PLXNA4: variants seen among roughly 807,000 people sequenced by gnomAD.
The protein encoded by PLXNA4 is plexin-A4.
PLXNA4 carries 44 observed loss-of-function variants against 191.8 expected under a neutral mutation model. The observed-to-expected ratio is 0.23, with a 90% confidence interval of 0.18 to 0.29. The LOEUF is 0.29. Ranked by LOEUF, PLXNA4 falls within the 10% of genes least tolerant of loss-of-function variation. The probability of loss-of-function intolerance (pLI) is 1.00; values close to 1 mark genes in which losing one functional copy is unlikely to be tolerated. For synonymous variants in PLXNA4, 1,082 were observed against 1,009.5 expected (o/e 1.07, Z -1.36); for missense variants, 1,800 against 2,488.8 (o/e 0.72, Z 5.89).
chr7:132,405,058 A>ATGTGTG (rs1056382602), intron 3 of PLXNA4, among the ~76,000 whole-genome samples: 4 of 66,812 alleles, frequency 6.0e-5, no homozygotes, highest in Admixed American at 2.0e-4. Flanking sequence ...AGCTGAGGGT[A>ATGTGTG]TGTGTGTGTG....
At chr7:132,267,928 A>G (rs1247463221) in intron 4 of PLXNA4, among the ~76,000 whole-genome samples, 1 of 152,184 alleles carries the variant, frequency 6.6e-6, no homozygotes, top group Non-Finnish European at 1.5e-5. Context: ...TAATGCACGC[A>G]CTGCCACCCA....
chr7:132,621,395 G>A (rs774878956), intron 2 of PLXNA4, among the ~76,000 whole-genome samples: 3 of 151,944 alleles, frequency 2.0e-5, no homozygotes, highest in Non-Finnish European at 2.9e-5. Flanking sequence ...CAAGTAGCTA[G>A]GACTACAGGC....
chr7:132,318,347 G>A (rs1331083433), intron 3 of PLXNA4, among the ~76,000 whole-genome samples: 2 of 152,182 alleles, frequency 1.3e-5, no homozygotes, highest in African/African-American at 4.8e-5. Flanking sequence ...GCGCAATACT[G>A]CCCAGAACCC....
intron 3 of PLXNA4, among the ~76,000 whole-genome samples, chr7:132,464,503 C>T (rs4731868): frequency 6.6e-6 from 1 of 152,202 alleles, no homozygotes; most frequent in African/African-American, 2.4e-5. Flanking sequence ...AAGTAAGACT[C>T]TCAGCACCTG....
chr7:132,506,496 A>G (rs1798469671), intron 2 of PLXNA4, among the ~76,000 whole-genome samples: 1 of 152,224 alleles, frequency 6.6e-6, no homozygotes. Flanking sequence ...TAATCTTTAA[A>G]ATGCACAGTT....
intron 4 of PLXNA4, among the ~76,000 whole-genome samples, chr7:132,259,087 G>C (rs899405010): frequency 3.9e-4 from 60 of 152,194 alleles, no homozygotes; most frequent in Admixed American, 3.9e-4. Flanking sequence ...TGGTGACTTA[G>C]CTTCTAAAGA....
intron 2 of PLXNA4, among the ~76,000 whole-genome samples, chr7:132,594,898 CATAGATAGATAGGTAG>C (rs1168893245): frequency 7.0e-6 from 1 of 142,382 alleles, no homozygotes; most frequent in African/African-American, 2.7e-5. Context: ...TCCATTCAGA[CATAGATAGATAGGTAG>C]ATAGATAGAT....
chr7:132,301,050 G>A (rs1481832638), intron 3 of PLXNA4, among the ~76,000 whole-genome samples: 2 of 152,146 alleles, frequency 1.3e-5, no homozygotes, highest in Non-Finnish European at 2.9e-5. Context: ...ACTGGACAAG[G>A]TTCCATAGGC....
chr7:132,338,350 G>C (rs1282022643), intron 3 of PLXNA4, among the ~76,000 whole-genome samples: 1 of 152,124 alleles, frequency 6.6e-6, no homozygotes, highest in African/African-American at 2.4e-5. Flanking sequence ...CCAAACTTAT[G>C]ACTCCAAAAT....
Position 132,185,447 on chromosome 7 carries a change from T to C in PLXNA4, c.3010A>G (p.Ile1004Val). Reference sequence around the variant, plus strand: ...TCTGAGGATGTGGTGTTGCAGACAATGTAGGATGGAGATCGCCTGGAGGGC... The same window carrying C: ...TCTGAGGATGTGGTGTTGCAGACAACGTAGGATGGAGATCGCCTGGAGGGC... Reference protein sequence around the residue: ...CLFHRRSPSYIVCNTTSSDEV... With the variant: ...CLFHRRSPSYVVCNTTSSDEV... Residue 1004 changes from isoleucine to valine, a missense_variant, in exon 16 of 32, where the codon ATT becomes GTT. Ile to Val is a conservative substitution (Grantham distance 29, BLOSUM62 3). Coordinates refer to ENST00000321063, the MANE Select transcript of PLXNA4 (RefSeq NM_020911.2). 1 of 1,613,102 alleles carries C rather than the reference T, an allele frequency of 6.2e-7. No homozygotes were observed. The highest frequency in any genetic ancestry group is 8.5e-7 in the Non-Finnish European group (1 of 1,179,640).
intron 2 of PLXNA4, among the ~76,000 whole-genome samples, chr7:132,599,325 C>A (rs1320252823): frequency 6.6e-6 from 1 of 152,084 alleles, no homozygotes. Flanking sequence ...TAATTGGAGA[C>A]TAATTGATAT....
At chr7:132,555,057 C>CAAAAAAAAAAACCA (rs1329396023) in intron 1 of PLXNA4, among the ~76,000 whole-genome samples, 4 of 131,958 alleles carry the variant, frequency 3.0e-5, no homozygotes, top group African/African-American at 1.3e-4. Flanking sequence ...AAAAAAAAAA[C>CAAAAAAAAAAACCA]AAAAAAAAAA....
intron 3 of PLXNA4, among the ~76,000 whole-genome samples, chr7:132,359,516 T>C (rs1244138558): frequency 6.6e-6 from 1 of 152,170 alleles, no homozygotes; most frequent in Non-Finnish European, 1.5e-5. Context: ...CGTGCCTGGC[T>C]GTCAAGGCTC....
At chr7:132,577,548 C>T (rs570650049), upstream of PLXNA4, among the ~76,000 whole-genome samples, 1 of 152,140 alleles carries the variant, frequency 6.6e-6, no homozygotes, top group East Asian at 1.9e-4. Context: ...GGGGGCGCCT[C>T]CCTACATGCT....
At chr7:132,286,760 C>T (rs1800696965) in intron 4 of PLXNA4, among the ~76,000 whole-genome samples, 1 of 152,242 alleles carries the variant, frequency 6.6e-6, no homozygotes, top group Non-Finnish European at 1.5e-5. Flanking sequence ...TGGATTCAGA[C>T]TCCTTCCCTG....
At position 132,125,071 on chromosome 7, in the gene PLXNA4, CTT is replaced by C. The variant is rs1374372578; in HGVS notation, c.*5406_*5407del. The C allele has an allele frequency of 2.6e-5, 4 of 151,786 alleles. No individual in the cohort carries two copies. In the East Asian group the frequency reaches 7.7e-4, roughly 29 times the overall value. The allele number at this position is 151,786 out of a possible 1,614,324, so 9.4% of individuals were successfully genotyped here. A position where few individuals can be genotyped will look rare whatever the true frequency, so the allele number is the denominator to read the frequency against. On this transcript the variant is annotated 3_prime_UTR_variant, in exon 32 of 32. Coordinates refer to ENST00000321063, the MANE Select transcript of PLXNA4 (RefSeq NM_020911.2). ...AAAACTCTCTCTTGCATGTCTGAAACTTTTACTGCAGTGGATTACTTTCCAAA... is the reference window on the plus strand; with the variant it reads ...AAAACTCTCTCTTGCATGTCTGAAACTTACTGCAGTGGATTACTTTCCAAA...
chr7:132,168,234 C>A, intron 22 of PLXNA4, 70 bp downstream of exon 22: 1 of 1,446,178 alleles, frequency 6.9e-7, no homozygotes, highest in East Asian at 2.5e-5. Flanking sequence ...CCACCCGAGT[C>A]TCCCTGCAAG....
intron 3 of PLXNA4, among the ~76,000 whole-genome samples, chr7:132,299,564 A>G (rs1350084356): frequency 2.6e-5 from 4 of 152,088 alleles, no homozygotes; most frequent in Admixed American, 2.0e-4. Context: ...TTTAAGCATT[A>G]TTTTCAAGCT....
At chr7:132,412,929 C>T (rs1196187993) in intron 3 of PLXNA4, among the ~76,000 whole-genome samples, 1 of 152,020 alleles carries the variant, frequency 6.6e-6, no homozygotes, top group Non-Finnish European at 1.5e-5. Flanking sequence ...CTTGGGGTGC[C>T]ATGACAGAGG....
Sources: allele counts gnomAD v4.1 joint callset (sites outside exome capture counted in the v4.1 genomes callset), GRCh38; gene constraint gnomAD v4.1.1; transcripts MANE v1.5; gene names NCBI Gene and HGNC (gene_info 2026-07-23, HGNC 2026-07-21).